The following CACNB4 variants were observed in gnomAD, a reference collection of about 807,000 sequenced individuals.
CACNB4 encodes the protein voltage-dependent L-type calcium channel subunit beta-4.
A neutral mutation model predicts 71.2 loss-of-function variants in CACNB4; 32 were observed. That is an observed-to-expected ratio of 0.45 (90% CI 0.34 to 0.60). CACNB4 has a LOEUF of 0.60. Ranked by LOEUF, CACNB4 falls within the 20% of genes least tolerant of loss-of-function variation. The probability of loss-of-function intolerance (pLI) is 0.01; values close to 1 mark genes in which losing one functional copy is unlikely to be tolerated. For missense variants in CACNB4, 464 were observed against 647.9 expected (o/e 0.72, Z 3.08); for synonymous variants, 231 against 236.9 (o/e 0.97, Z 0.23).
chr2:151,932,848 G>T (rs1044194310), intron 2 of CACNB4, among the ~76,000 whole-genome samples: 5 of 150,374 alleles, frequency 3.3e-5, no homozygotes, highest in South Asian at 4.2e-4. Context: ...AAAAAAAGGT[G>T]GGGGGTTGGG....
chr2:151,971,994 C>T (rs568408625), intron 2 of CACNB4: 151 of 182,216 alleles, frequency 8.3e-4, no homozygotes, highest in Admixed American at 2.6e-3. Flanking sequence ...CTACTGCCAC[C>T]GAGTCAAGTC....
At chr2:151,982,679 G>T (rs2099874939) in intron 2 of CACNB4, among the ~76,000 whole-genome samples, 1 of 151,528 alleles carries the variant, frequency 6.6e-6, no homozygotes, top group South Asian at 2.1e-4. Context: ...CCATTCCTTT[G>T]GATGTGGTGC....
intron 2 of CACNB4, among the ~76,000 whole-genome samples, chr2:151,934,615 G>A (rs1037714392): frequency 6.6e-6 from 1 of 152,148 alleles, no homozygotes; most frequent in Non-Finnish European, 1.5e-5. Context: ...GAGGTGGGCG[G>A]ATCACGAGAT....
At chr2:151,855,987 G>A (rs2099840192) in intron 10 of CACNB4, among the ~76,000 whole-genome samples, 1 of 150,826 alleles carries the variant, frequency 6.6e-6, no homozygotes, top group Non-Finnish European at 1.5e-5. Context: ...GGCATAATTA[G>A]CTTCAGTATT....
rs80121656 is a variant in CACNB4, at chr2:152,046,001, A to G, written c.147+52329T>C. Among the ~76,000 whole-genome samples, 1,058 of 152,330 alleles carry G rather than the reference A, an allele frequency of 6.9e-3. 16 individuals are homozygous for G. Among genetic ancestry groups the G allele is most frequent in the African/African-American group, 0.024 (1,015 of 41,580 alleles). On this transcript the variant is annotated intron_variant, in intron 2 of 13. Transcript: ENST00000539935. ...TGGTCCTTAGAGTAACTGAGAATCA[A>G]TGGAAGGATGGAAAACTTTTTCTTT...
rs1559883027 is a variant in CACNB4, at chr2:151,861,852, A to AAAAAAAAAAAAAAAAAAAAAAAAAAAAAC, written c.759-1033_759-1032insGTTTTTTTTTTTTTTTTTTTTTTTTTTTT. The AAAAAAAAAAAAAAAAAAAAAAAAAAAAAC allele has an allele frequency of 4.8e-5, 7 of 146,550 alleles. 1 individual carries two copies. Among genetic ancestry groups the AAAAAAAAAAAAAAAAAAAAAAAAAAAAAC allele is most frequent in the African/African-American group, 1.8e-4 (7 of 38,136 alleles). The allele number at this position is 146,550 out of a possible 1,614,324, so 9.1% of individuals were successfully genotyped here. A position where few individuals can be genotyped will look rare whatever the true frequency, so the allele number is the denominator to read the frequency against. ...GGTGAGACCCTGTCTCAAAAAAAAA[A>AAAAAAAAAAAAAAAAAAAAAAAAAAAAAC]AAAAAACTGAAGAATAAAGCAAAGA... On this transcript the variant is annotated intron_variant, in intron 9 of 13. Coordinates refer to ENST00000539935, the MANE Select transcript of CACNB4 (RefSeq NM_000726.5).
In CACNB4 at chr2:152,091,921, C is replaced by A. The variant is rs1687993443; in HGVS notation, c.147+6409G>T. Among the ~76,000 whole-genome samples the A allele has an allele frequency of 2.6e-5, 4 of 152,386 alleles. No homozygotes were observed. The South Asian group carries it at 8.3e-4, about 32-fold the overall frequency. Reference sequence around the variant, plus strand: ...AAACCACAGTCTCTAAATTCTTCAACTGATGCTATGGTTCTTCACAGCAAC... The same window carrying A: ...AAACCACAGTCTCTAAATTCTTCAAATGATGCTATGGTTCTTCACAGCAAC... On this transcript the variant is annotated intron_variant, in intron 2 of 13. Transcript: ENST00000539935.
chr2:152,032,069 T>C (rs1402500494), intron 2 of CACNB4, among the ~76,000 whole-genome samples: 1 of 152,044 alleles, frequency 6.6e-6, no homozygotes, highest in African/African-American at 2.4e-5. Context: ...TTCTATAGTG[T>C]GGGGAAAGGA....
At position 151,949,247 on chromosome 2, in the gene CACNB4, C is replaced by G. The variant is rs139130059; in HGVS notation, c.148-65877G>C. 2.6e-5 allele frequency among the ~76,000 whole-genome samples: 4 copies of G among 151,200 alleles called. No individual in the cohort carries two copies. In the East Asian group the frequency reaches 7.8e-4, roughly 30 times the overall value. Reference sequence around the variant, plus strand: ...GACCTAAGAGGACTGACACTCAGTTCAGTCAACAACTACTTTGTGAGTTTC... The same window carrying G: ...GACCTAAGAGGACTGACACTCAGTTGAGTCAACAACTACTTTGTGAGTTTC... On this transcript the variant is annotated intron_variant, in intron 2 of 13. Coordinates refer to ENST00000539935, the MANE Select transcript of CACNB4 (RefSeq NM_000726.5).
At chr2:152,025,107 G>A (rs1163400688) in intron 2 of CACNB4, among the ~76,000 whole-genome samples, 1 of 152,124 alleles carries the variant, frequency 6.6e-6, no homozygotes, top group Non-Finnish European at 1.5e-5. Context: ...TCTGAGGCCC[G>A]ATATTAACTT....
Position 152,098,720 on chromosome 2 carries a change from G to T in CACNB4, c.63+229C>A. ...TGGGGGAGGCTGCGGGCTCCGGAGCGGGAGCGCAGAGACCCGAAGGAGGGT... is the reference window on the plus strand; with the variant it reads ...TGGGGGAGGCTGCGGGCTCCGGAGCTGGAGCGCAGAGACCCGAAGGAGGGT... On this transcript the variant is annotated intron_variant, in intron 1 of 13. Transcript: ENST00000539935. The surrounding 1 kb of genome is among the most constrained non-coding windows in gnomAD (Gnocchi z 5.3). 1.9e-6 allele frequency: 3 copies of T among 1,551,954 alleles called. No homozygotes were observed. Among genetic ancestry groups the T allele is most frequent in the Non-Finnish European group, 1.7e-6 (2 of 1,147,248 alleles).
At chr2:151,904,941 A>G (rs1268781462) in intron 2 of CACNB4, among the ~76,000 whole-genome samples, 1 of 152,210 alleles carries the variant, frequency 6.6e-6, no homozygotes, top group Non-Finnish European at 1.5e-5. Context: ...AAAACTATGC[A>G]CTATTGGGCA....
At chr2:151,962,685 C>G (rs1297310295) in intron 2 of CACNB4, among the ~76,000 whole-genome samples, 4 of 152,248 alleles carry the variant, frequency 2.6e-5, no homozygotes, top group Non-Finnish European at 5.9e-5. Flanking sequence ...GTGACATTCT[C>G]TAGCATTGAA....
intron 2 of CACNB4, among the ~76,000 whole-genome samples, chr2:151,993,908 A>T (rs112489739): frequency 0.012 from 1,803 of 149,812 alleles, 38 homozygotes; most frequent in African/African-American, 0.042. Flanking sequence ...ACAGTGGCTC[A>T]TGCCTGTAAT....
intron 2 of CACNB4, among the ~76,000 whole-genome samples, chr2:151,935,502 C>A (rs2099862716): frequency 6.6e-6 from 1 of 152,106 alleles, no homozygotes; most frequent in Non-Finnish European, 1.5e-5. Context: ...TGTAGTCTTT[C>A]CTATTTTTAA....
chr2:151,885,128 T>C (rs1190544976), intron 2 of CACNB4, among the ~76,000 whole-genome samples: 1 of 152,194 alleles, frequency 6.6e-6, no homozygotes, highest in African/African-American at 2.4e-5. Flanking sequence ...GAACTCCTGG[T>C]TAGCGGTTTT....
intron 5 of CACNB4, among the ~76,000 whole-genome samples, chr2:151,875,689 C>T (rs1286428187): frequency 5.8e-4 from 3 of 5,162 alleles, no homozygotes; most frequent in Non-Finnish European, 1.4e-3. Flanking sequence ...CCCCACCTCC[C>T]TCCCGGACGG....
At chr2:151,879,260 A>G (rs879541186) in intron 4 of CACNB4, among the ~76,000 whole-genome samples, 13 of 152,224 alleles carry the variant, frequency 8.5e-5, no homozygotes, top group Non-Finnish European at 1.6e-4. Flanking sequence ...GAAATGGTTA[A>G]TTCAACTTCC....
intron 12 of CACNB4, chr2:151,851,199 A>G (rs1023784601): frequency 6.6e-6 from 1 of 152,238 alleles, no homozygotes; most frequent in African/African-American, 2.4e-5. Flanking sequence ...AAATGCAGAC[A>G]CATTTTAAGG....
Sources: allele counts gnomAD v4.1 joint callset (sites outside exome capture counted in the v4.1 genomes callset), GRCh38; gene constraint gnomAD v4.1.1; non-coding constraint Gnocchi (gnomAD v3.1); transcripts MANE v1.5; gene names NCBI Gene and HGNC (gene_info 2026-07-23, HGNC 2026-07-21).